Variants in NTNG1 observed in about 807,000 individuals in gnomAD.
NTNG1 encodes netrin G1, also known as netrin-G1.
NTNG1 carries 16 observed loss-of-function variants against 54.0 expected under a neutral mutation model. That is an observed-to-expected ratio of 0.30 (90% CI 0.20 to 0.45). The LOEUF is 0.45. Ranked by LOEUF, NTNG1 falls within the 20% of genes least tolerant of loss-of-function variation. The pLI, the probability that NTNG1 is intolerant of heterozygous loss-of-function variation, is 1.00. For synonymous variants in NTNG1, 255 were observed against 263.1 expected, an observed-to-expected ratio of 0.97 and a Z score of 0.30; for missense variants, 530 against 678.7, an observed-to-expected ratio of 0.78 and a Z score of 2.43.
chr1:107,465,922 G>T lies in NTNG1; in HGVS notation c.1391-14689G>T, dbSNP rs566987206. On this transcript the variant is annotated intron_variant, in intron 7 of 7. Coordinates refer to ENST00000370068, the MANE Select transcript of NTNG1 (RefSeq NM_001113226.3). The stretch of plus-strand genomic sequence containing the variant: ...ATGTTTCTGGCCTTTTAATTATAAC[G>T]TGTTAATTTTAATTGTGTGTGTGTG... Among the ~76,000 whole-genome samples, 462 of 152,198 alleles carry T rather than the reference G, an allele frequency of 3.0e-3. 2 individuals carry two copies. The highest frequency in any genetic ancestry group is 0.011 in the African/African-American group (446 of 41,522).
At chr1:107,389,670 G>A (rs150868807) in intron 3 of NTNG1, among the ~76,000 whole-genome samples, 10 of 152,298 alleles carry the variant, frequency 6.6e-5, no homozygotes, top group Non-Finnish European at 1.3e-4. Flanking sequence ...GGCAATGTCT[G>A]CCATTTATCA....
At chr1:107,478,004 G>A (rs1678442272) in intron 7 of NTNG1, among the ~76,000 whole-genome samples, 1 of 152,110 alleles carries the variant, frequency 6.6e-6, no homozygotes, top group South Asian at 2.1e-4. Context: ...TTCTTTGCGG[G>A]GTTAAGTGCA....
intron 2 of NTNG1, among the ~76,000 whole-genome samples, chr1:107,253,066 G>C (rs1662712972): frequency 6.6e-6 from 1 of 152,154 alleles, no homozygotes; most frequent in Non-Finnish European, 1.5e-5. Flanking sequence ...AAACCTATTG[G>C]TACCAAGTAT....
At chr1:107,432,161 G>C (rs1363238492) in intron 6 of NTNG1, among the ~76,000 whole-genome samples, 1 of 152,170 alleles carries the variant, frequency 6.6e-6, no homozygotes, top group Non-Finnish European at 1.5e-5. Context: ...GCTCATGGCT[G>C]TGTGCCATAG....
chr1:107,433,372 C>T (rs1675393925), intron 6 of NTNG1, among the ~76,000 whole-genome samples: 1 of 152,126 alleles, frequency 6.6e-6, no homozygotes, highest in South Asian at 2.1e-4. Flanking sequence ...GGTGAAACCA[C>T]ATCTCTACTG....
chr1:107,144,306 A>G (rs1006427852), intron 1 of NTNG1, among the ~76,000 whole-genome samples: 6 of 152,068 alleles, frequency 3.9e-5, no homozygotes, highest in East Asian at 3.9e-4. Context: ...AGAAACATGC[A>G]TATTTATAAA....
At chr1:107,292,392 G>C (rs1471125416) in intron 2 of NTNG1, among the ~76,000 whole-genome samples, 1 of 152,136 alleles carries the variant, frequency 6.6e-6, no homozygotes, top group African/African-American at 2.4e-5. Flanking sequence ...TAGCTCGTCA[G>C]ACATGAGCAC....
rs543735303 is a variant in NTNG1 at position 107,319,275 on chromosome 1, G to A, written c.247-5007G>A. Reference sequence around the variant, plus strand: ...GGACTTGAGGCAAGGAGGAGTGGCCGGGAAGTGGCAAAAAGGAACTGGGAT... The same window carrying A: ...GGACTTGAGGCAAGGAGGAGTGGCCAGGAAGTGGCAAAAAGGAACTGGGAT... On this transcript the variant is annotated intron_variant, in intron 2 of 7. Coordinates refer to ENST00000370068, the MANE Select transcript of NTNG1 (RefSeq NM_001113226.3). 5.1e-4 allele frequency among the ~76,000 whole-genome samples: 78 copies of A among 152,158 alleles called. No homozygotes were observed. The South Asian group carries it at 0.011, about 21-fold the overall frequency.
intron 5 of NTNG1, among the ~76,000 whole-genome samples, chr1:107,418,850 T>C (rs1674387694): frequency 6.6e-6 from 1 of 151,918 alleles, no homozygotes; most frequent in Non-Finnish European, 1.5e-5. Context: ...GGCATGGAAG[T>C]TAAAAAGCCC....
rs942702720 is a variant in NTNG1 at position 107,444,508 on chromosome 1, G to A, written c.1390+7709G>A. ...GCAAATGCAGACAGTGGACATACCA[G>A]ACGGCAATTCCAGGCACCCACTGGC... On this transcript the variant is annotated intron_variant, in intron 7 of 7. Coordinates refer to ENST00000370068, the MANE Select transcript of NTNG1 (RefSeq NM_001113226.3). Among the ~76,000 whole-genome samples the A allele has an allele frequency of 2.6e-5, 4 of 152,134 alleles. No homozygotes were observed. The South Asian group carries it at 8.3e-4, about 31-fold the overall frequency.
chr1:107,292,041 G>A (rs1378790496), intron 2 of NTNG1, among the ~76,000 whole-genome samples: 1 of 152,020 alleles, frequency 6.6e-6, no homozygotes, highest in African/African-American at 2.4e-5. Context: ...GAGAAGCGAG[G>A]AAGGCAATGG....
At chr1:107,399,173 A>G (rs897965808) in intron 4 of NTNG1, among the ~76,000 whole-genome samples, 4 of 152,286 alleles carry the variant, frequency 2.6e-5, no homozygotes, top group Non-Finnish European at 4.4e-5. Context: ...CCTACAATAA[A>G]ACAACCTATT....
At position 107,395,049 on chromosome 1, in the gene NTNG1, T is replaced by TATC. The variant is rs1228519158; in HGVS notation, c.888-103_888-101dup. On this transcript the variant is annotated intron_variant, in intron 3 of 7. Transcript: ENST00000370068. ...CTATCTCTTACTAAATGCCTCTGTG[T>TATC]ATCACTAAAGCACTGCATGGTTTGA... 26 of 838,638 alleles carry TATC rather than the reference T, an allele frequency of 3.1e-5. No individual in the cohort carries two copies. In the East Asian group the frequency reaches 6.3e-4, roughly 20 times the overall value. The allele number at this position is 838,638 out of a possible 1,614,324, so 51.9% of individuals were successfully genotyped here. A position where few individuals can be genotyped will look rare whatever the true frequency, so the allele number is the denominator to read the frequency against.
intron 7 of NTNG1, among the ~76,000 whole-genome samples, chr1:107,458,875 TC>T (rs1677108031): frequency 6.6e-6 from 1 of 152,152 alleles, no homozygotes; most frequent in African/African-American, 2.4e-5. Context: ...AACTTCATTT[TC>T]AAATTGGAAA....
chr1:107,154,595 CAAAAAAAAAA>C (rs59619310), intron 2 of NTNG1, among the ~76,000 whole-genome samples: 9 of 47,774 alleles, frequency 1.9e-4, no homozygotes, highest in Admixed American at 6.6e-4. Flanking sequence ...GACCCTGTCT[CAAAAAAAAAA>C]AAAAAAAAAA....
At chr1:107,284,467 A>G (rs1364866815) in intron 2 of NTNG1, among the ~76,000 whole-genome samples, 1 of 152,124 alleles carries the variant, frequency 6.6e-6, no homozygotes, top group Non-Finnish European at 1.5e-5. Context: ...AAGAGGTAAG[A>G]AATGATGTTT....
rs991378770 is a variant in NTNG1, at chr1:107,484,608, G to T, written c.*3768G>T. Among the ~76,000 whole-genome samples the T allele has an allele frequency of 2.6e-5, 4 of 152,148 alleles. No individual in the cohort carries two copies. Reference sequence around the variant, plus strand: ...AAAGAAAGGTCCAGGTTGGAAGAAGGCGTCTGCTCCACAGTTCAGCTGGCC... The same window carrying T: ...AAAGAAAGGTCCAGGTTGGAAGAAGTCGTCTGCTCCACAGTTCAGCTGGCC... On this transcript the variant is annotated 3_prime_UTR_variant, in exon 8 of 8. Coordinates refer to ENST00000370068, the MANE Select transcript of NTNG1 (RefSeq NM_001113226.3).
intron 2 of NTNG1, among the ~76,000 whole-genome samples, chr1:107,196,171 G>A (rs572298711): frequency 4.6e-5 from 7 of 151,820 alleles, no homozygotes; most frequent in South Asian, 2.1e-4. Flanking sequence ...GATCTCCTAC[G>A]TAGCAGTCAC....
At chr1:107,427,523 T>C (rs1395173090) in intron 5 of NTNG1, among the ~76,000 whole-genome samples, 2 of 152,064 alleles carry the variant, frequency 1.3e-5, no homozygotes, top group Non-Finnish European at 2.9e-5. Context: ...GAAAATAATA[T>C]AGCAGTTTAA....
Sources: allele counts gnomAD v4.1 joint callset (sites outside exome capture counted in the v4.1 genomes callset), GRCh38; gene constraint gnomAD v4.1.1; transcripts MANE v1.5; gene names NCBI Gene and HGNC (gene_info 2026-07-23, HGNC 2026-07-21).